ZNF829: variants seen among roughly 807,000 people sequenced by gnomAD.
ZNF829 encodes zinc finger protein 829.
Under a neutral mutation model 35.2 loss-of-function variants are expected in ZNF829, and 25 were observed. The observed-to-expected ratio is 0.71, with a 90% CI of 0.52 to 0.99. ZNF829 has a LOEUF of 0.99. Ranked by LOEUF, ZNF829 falls within the 50% of genes least tolerant of loss-of-function variation. The pLI is 0.00. For missense variants in ZNF829, 417 were observed against 515.3 expected (o/e 0.81, Z 1.85); for synonymous variants, 136 against 163.2 (o/e 0.83, Z 1.27).
intron 5 of ZNF829, among the ~76,000 whole-genome samples, chr19:36,899,142 G>T (rs2073138945): frequency 6.6e-6 from 1 of 152,028 alleles, no homozygotes; most frequent in Non-Finnish European, 1.5e-5. Flanking sequence ...TAACAAGGAA[G>T]CAAAAAAACT....
intron 5 of ZNF829, chr19:36,901,637 C>T (rs2073166827): frequency 7.3e-6 from 2 of 274,628 alleles, no homozygotes; most frequent in South Asian, 5.3e-5. Flanking sequence ...TGTGGGCTAT[C>T]CAAGTGTGTG....
chr19:36,902,815 T>G (rs550827649), intron 5 of ZNF829, among the ~76,000 whole-genome samples: 3 of 152,042 alleles, frequency 2.0e-5, no homozygotes, highest in Non-Finnish European at 4.4e-5. Flanking sequence ...GCGGGTGGAT[T>G]ACTTGAGGTG....
At chr19:36,892,698 A>G in intron 5 of ZNF829, 1 of 608,074 alleles carries the variant, frequency 1.6e-6, no homozygotes, top group East Asian at 2.9e-5. Flanking sequence ...ATGATCCTCA[A>G]ATTTTGGTCT....
At position 36,916,067 on chromosome 19, in the gene ZNF829, A is replaced by G. The variant is rs2073326021; in HGVS notation, c.-141T>C. 10 of 834,196 alleles carry G rather than the reference A, an allele frequency of 1.2e-5. No homozygotes were observed. The highest frequency in any genetic ancestry group is 1.6e-5 in the Non-Finnish European group (9 of 559,826). The allele number at this position is 834,196 out of a possible 1,614,324, so 51.7% of individuals were successfully genotyped here. On this transcript the variant is annotated 5_prime_UTR_variant, in exon 1 of 6. Coordinates refer to ENST00000391711, the MANE Select transcript of ZNF829 (RefSeq NM_001037232.4). The surrounding 1 kb of genome is among the most constrained non-coding windows in gnomAD (Gnocchi z 5.3). ...CGAAACGTTCGAATTCCTGCGAGAA[A>G]AGTGGCAGGCCACCAGGCCCTCTGG...
At chr19:36,904,014 A>T (rs1253451672) in intron 5 of ZNF829, among the ~76,000 whole-genome samples, 2 of 152,244 alleles carry the variant, frequency 1.3e-5, no homozygotes, top group Non-Finnish European at 2.9e-5. Flanking sequence ...CTCCTAAGTG[A>T]CTATTATTAA....
In ZNF829 at chr19:36,890,846, ACT is replaced by A. The variant is rs1195113237; in HGVS notation, c.*644_*645del. The A allele has an allele frequency of 6.6e-6, 1 of 152,132 alleles. No homozygotes were observed. Among genetic ancestry groups the A allele is most frequent in the African/African-American group, 2.4e-5 (1 of 41,394 alleles). 9.4% of individuals were successfully genotyped at this position (152,132 alleles called of 1,614,324 possible). On this transcript the variant is annotated 3_prime_UTR_variant, in exon 6 of 6. Coordinates refer to ENST00000391711, the MANE Select transcript of ZNF829 (RefSeq NM_001037232.4). Reference sequence around the variant, plus strand: ...ACTCCAGCCTGGGCAACAGAGCGAGACTCTGTCTCAAAATAAAATAAAATAAA... The same window carrying A: ...ACTCCAGCCTGGGCAACAGAGCGAGACTGTCTCAAAATAAAATAAAATAAA...
chr19:36,893,003 T>C, intron 5 of ZNF829: 1 of 410,886 alleles, frequency 2.4e-6, no homozygotes, highest in Non-Finnish European at 4.3e-6. Flanking sequence ...ATTCTAATTA[T>C]ATACACGTTC....
At chr19:36,892,920 G>A in intron 5 of ZNF829, 2 of 1,047,922 alleles carry the variant, frequency 1.9e-6, no homozygotes, top group African/African-American at 1.7e-5. Context: ...CAGGGGTTAA[G>A]CTGGAGGGCC....
chr19:36,899,874 AC>A (rs2073147243), intron 5 of ZNF829, among the ~76,000 whole-genome samples: 1 of 151,946 alleles, frequency 6.6e-6, no homozygotes, highest in Non-Finnish European at 1.5e-5. Flanking sequence ...TAGAATTTAT[AC>A]AATAATTTTT....
At chr19:36,898,483 A>C (rs1437185139) in intron 5 of ZNF829, among the ~76,000 whole-genome samples, 1 of 152,208 alleles carries the variant, frequency 6.6e-6, no homozygotes, top group African/African-American at 2.4e-5. Flanking sequence ...CTGAAATGCC[A>C]GTCAGTTTTT....
In ZNF829 at chr19:36,900,183, CA is replaced by C. The variant is rs941843098; in HGVS notation, c.320-7713del. 2.1e-4 allele frequency among the ~76,000 whole-genome samples: 31 copies of C among 149,096 alleles called. 1 individual carries two copies. Among genetic ancestry groups the C allele is most frequent in the Non-Finnish European group, 1.5e-4 (10 of 66,694 alleles). On this transcript the variant is annotated intron_variant, in intron 5 of 5. Coordinates refer to ENST00000391711, the MANE Select transcript of ZNF829 (RefSeq NM_001037232.4). Reference sequence around the variant, plus strand: ...ACACACACACACACACACACACACACACACACACACACACAAATTTGCTGGG... The same window carrying C: ...ACACACACACACACACACACACACACCACACACACACACAAATTTGCTGGG...
At chr19:36,911,106 T>C (rs2073260684) in intron 3 of ZNF829, among the ~76,000 whole-genome samples, 7 of 152,164 alleles carry the variant, frequency 4.6e-5, no homozygotes, top group Admixed American at 4.6e-4. Context: ...TTATTGAACC[T>C]GAAGGAGAGT....
At position 36,889,885 on chromosome 19, in the gene ZNF829, C is replaced by CT. The variant is rs1263151490; in HGVS notation, c.*1606dup. On this transcript the variant is annotated 3_prime_UTR_variant, in exon 6 of 6. Coordinates refer to ENST00000391711, the MANE Select transcript of ZNF829 (RefSeq NM_001037232.4). ...GGCTATTCATTTGAGATTTTTCTAT[C>CT]TTTTTGGTGTAGGCATTTAATGCTA... 1 of 152,036 alleles carries CT rather than the reference C, an allele frequency of 6.6e-6. No homozygotes were observed. The allele number at this position is 152,036 out of a possible 1,614,324, so 9.4% of individuals were successfully genotyped here.
In ZNF829 at chr19:36,916,043, G is replaced by A. The variant is rs747013074; in HGVS notation, c.-117C>T. On this transcript the variant is annotated 5_prime_UTR_variant, in exon 1 of 6. Transcript: ENST00000391711. This position sits in a 1 kb window ranked among gnomAD's most constrained non-coding sequence, Gnocchi z 5.3. The stretch of plus-strand genomic sequence containing the variant: ...ATCTAAGGGTCCCGCCAGGAGTGAC[G>A]AAACGTTCGAATTCCTGCGAGAAAA... 489 of 1,028,248 alleles carry A rather than the reference G, an allele frequency of 4.8e-4. No homozygotes were observed. Among genetic ancestry groups the A allele is most frequent in the Non-Finnish European group, 6.0e-4 (441 of 734,354 alleles). 63.7% of individuals were successfully genotyped at this position (1,028,248 alleles called of 1,614,324 possible).
At position 36,915,146 on chromosome 19, in the gene ZNF829, A is replaced by C; in HGVS notation, c.22T>G (p.Ser8Ala). 6.2e-7 allele frequency: 1 copy of C among 1,614,116 alleles called. No homozygotes were observed. The highest frequency in any genetic ancestry group is 1.1e-5 in the South Asian group (1 of 91,078). The change falls in exon 2 of 6, where the codon TCC becomes GCC. Residue 8 changes from serine to alanine, a missense_variant. Ser to Ala is a moderately conservative substitution (Grantham distance 99, BLOSUM62 1). Coordinates refer to ENST00000391711, the MANE Select transcript of ZNF829 (RefSeq NM_001037232.4). MPHSPLI[S>A]IPHVWCHPEE... ...ATTACCCACCACACATGAGGAATGG[A>C]GATCAGAGGAGAATGGGGCATTCTG...
rs1439194759 is a variant in ZNF829, at chr19:36,915,870, C to T, written c.-85+141G>A. The T allele has an allele frequency of 3.3e-6, 5 of 1,536,012 alleles. No homozygotes were observed. Among genetic ancestry groups the T allele is most frequent in the South Asian group, 2.4e-5 (2 of 84,062 alleles). ...TCGGCCTCCCAAACACAACCTCCAC[C>T]TTTCAGGCCGCTCCGCCCGCAGGGG... On this transcript the variant is annotated intron_variant, in intron 1 of 5. Coordinates refer to ENST00000391711, the MANE Select transcript of ZNF829 (RefSeq NM_001037232.4).
chr19:36,892,543 A>G (rs2073068207), intron 5 of ZNF829, 72 bp from the exon 6 acceptor site: 6 of 1,410,480 alleles, frequency 4.3e-6, no homozygotes, highest in East Asian at 4.6e-5. Context: ...AAGAAATGGG[A>G]GAATTAAACT....
In ZNF829 at chr19:36,914,906, T is replaced by A; in HGVS notation, c.96+59A>T. On this transcript the variant is annotated intron_variant, in intron 3 of 5. Transcript: ENST00000391711. Reference sequence around the variant, plus strand: ...ATGGGAAAATTATAGGGACCTATAATTAAATGACATTCCTTTAAGCAAGAA... The same window carrying A: ...ATGGGAAAATTATAGGGACCTATAAATAAATGACATTCCTTTAAGCAAGAA... 2.6e-6 allele frequency: 4 copies of A among 1,558,590 alleles called. No individual in the cohort carries two copies. In the Admixed American group the frequency reaches 6.7e-5, roughly 26 times the overall value.
chr19:36,895,964 C>T lies in ZNF829; in HGVS notation c.320-3493G>A, dbSNP rs186730767. ...GGAGGATCACTTGAGGTCAGGAGTT[C>T]GAGACCAGCCTTCCCAACATGACGA... is the stretch of plus-strand genomic sequence containing the variant. On this transcript the variant is annotated intron_variant, in intron 5 of 5. Coordinates refer to ENST00000391711, the MANE Select transcript of ZNF829 (RefSeq NM_001037232.4). 1.1e-3 allele frequency among the ~76,000 whole-genome samples: 168 copies of T among 151,998 alleles called. 1 individual carries two copies. The highest frequency in any genetic ancestry group is 3.8e-3 in the African/African-American group (159 of 41,456).
Sources: gnomAD v4.1 joint callset for allele counts (sites outside exome capture counted in the v4.1 genomes callset) on GRCh38, gnomAD v4.1.1 for gene constraint, Gnocchi (gnomAD v3.1) non-coding constraint, MANE v1.5 for transcripts, NCBI Gene and HGNC (gene_info 2026-07-23, HGNC 2026-07-21) for gene names.